PHYHIPL: variants seen among roughly 807,000 people sequenced by gnomAD.
PHYHIPL encodes phytanoyl-CoA hydroxylase-interacting protein-like.
Under a neutral mutation model 33.4 loss-of-function variants are expected in PHYHIPL, and 9 were observed. That is an observed-to-expected ratio of 0.27 (90% CI 0.16 to 0.47). The LOEUF is 0.47. PHYHIPL is among the 20% of genes least tolerant of loss of function. The probability of loss-of-function intolerance (pLI) is 0.99; values close to 1 mark genes in which losing one functional copy is unlikely to be tolerated. For missense variants in PHYHIPL, 365 were observed against 460.7 expected, an observed-to-expected ratio of 0.79 and a Z score of 1.90; for synonymous variants, 153 against 154.1, an observed-to-expected ratio of 0.99 and a Z score of 0.05.
At chr10:59,217,220 G>T (rs1239509756) in intron 1 of PHYHIPL, among the ~76,000 whole-genome samples, 1 of 151,982 alleles carries the variant, frequency 6.6e-6, no homozygotes, top group Non-Finnish European at 1.5e-5. Flanking sequence ...GAGAAAAATG[G>T]TCTGATCTTT....
At chr10:59,214,607 C>T (rs1248510425) in intron 1 of PHYHIPL, among the ~76,000 whole-genome samples, 5 of 151,938 alleles carry the variant, frequency 3.3e-5, no homozygotes, top group Non-Finnish European at 5.9e-5. Context: ...ATTCCTGCTC[C>T]GTTTGAGAAC....
chr10:59,178,004 T>C (rs1838301230), intron 1 of PHYHIPL, among the ~76,000 whole-genome samples: 2 of 152,194 alleles, frequency 1.3e-5, no homozygotes, highest in Non-Finnish European at 2.9e-5. Flanking sequence ...ACCAAAGTTA[T>C]GTACAGATAC....
In PHYHIPL at chr10:59,238,721, A is replaced by C. The variant is rs746848443; in HGVS notation, c.596+16A>C. Reference sequence around the variant, plus strand: ...ACTATGTTCGGTAAGATTCAAAAATATATAGTGATTTGTTTTACTAAATAT... The same window carrying C: ...ACTATGTTCGGTAAGATTCAAAAATCTATAGTGATTTGTTTTACTAAATAT... On this transcript the variant is annotated intron_variant, in intron 4 of 4. Coordinates refer to ENST00000373880, the MANE Select transcript of PHYHIPL (RefSeq NM_032439.4). The C allele has an allele frequency of 2.7e-6, 4 of 1,475,652 alleles. No individual in the cohort carries two copies. The highest frequency in any genetic ancestry group is 3.8e-6 in the Non-Finnish European group (4 of 1,056,480). The allele number at this position is 1,475,652 out of a possible 1,614,324, so 91.4% of individuals were successfully genotyped here. A position where few individuals can be genotyped will look rare whatever the true frequency, so the allele number is the denominator to read the frequency against.
chr10:59,212,376 G>A (rs951287273), intron 1 of PHYHIPL, among the ~76,000 whole-genome samples: 2 of 152,102 alleles, frequency 1.3e-5, no homozygotes, highest in African/African-American at 4.8e-5. Flanking sequence ...ATATTTTTAA[G>A]TTTGGCCTAA....
intron 1 of PHYHIPL, among the ~76,000 whole-genome samples, chr10:59,195,711 C>G (rs1838893412): frequency 6.6e-6 from 1 of 152,024 alleles, no homozygotes. Context: ...GTCTCGAAAC[C>G]CATTGCTTAC....
At chr10:59,220,678 G>A (rs1261747694) in intron 1 of PHYHIPL, among the ~76,000 whole-genome samples, 1 of 151,998 alleles carries the variant, frequency 6.6e-6, no homozygotes, top group Admixed American at 6.6e-5. Flanking sequence ...TTAGTTAAGT[G>A]ATTTGCCCCC....
intron 1 of PHYHIPL, among the ~76,000 whole-genome samples, chr10:59,209,229 C>T (rs1487759021): frequency 6.6e-6 from 1 of 152,226 alleles, no homozygotes; most frequent in Non-Finnish European, 1.5e-5. Context: ...CAGCTGATCT[C>T]TCAGCAGAAA....
At chr10:59,222,796 CATTA>C (rs1295864305) in intron 1 of PHYHIPL, among the ~76,000 whole-genome samples, 1 of 152,022 alleles carries the variant, frequency 6.6e-6, no homozygotes, top group Non-Finnish European at 1.5e-5. Context: ...AAAAGTTATG[CATTA>C]ATTAGACCAA....
At chr10:59,193,684 T>C (rs1157490357) in intron 1 of PHYHIPL, among the ~76,000 whole-genome samples, 2 of 152,134 alleles carry the variant, frequency 1.3e-5, no homozygotes, top group African/African-American at 2.4e-5. Flanking sequence ...TCCATTTTAA[T>C]AAATATGGTT....
chr10:59,219,166 C>A, intron 1 of PHYHIPL: 1 of 726,760 alleles, frequency 1.4e-6, no homozygotes, highest in Non-Finnish European at 1.7e-6. Flanking sequence ...TTTTTGATGC[C>A]TCATAATCAT....
At chr10:59,235,938 G>A (rs1439880450) in intron 2 of PHYHIPL, among the ~76,000 whole-genome samples, 1 of 151,830 alleles carries the variant, frequency 6.6e-6, no homozygotes, top group Non-Finnish European at 1.5e-5. Flanking sequence ...GGCAGCTTTA[G>A]TGAAATTATT....
At chr10:59,194,159 G>T (rs1181040838) in intron 1 of PHYHIPL, among the ~76,000 whole-genome samples, 1 of 141,164 alleles carries the variant, frequency 7.1e-6, no homozygotes, top group Non-Finnish European at 1.5e-5. Flanking sequence ...TTGGCTCACT[G>T]CAATCTTTGC....
intron 1 of PHYHIPL, among the ~76,000 whole-genome samples, chr10:59,206,573 A>G (rs1284895963): frequency 1.3e-5 from 2 of 152,236 alleles, no homozygotes; most frequent in Non-Finnish European, 2.9e-5. Flanking sequence ...GAAATTGCCT[A>G]GTTCTGGAAG....
intron 1 of PHYHIPL, chr10:59,183,693 G>A (rs982494562): frequency 9.1e-6 from 9 of 984,166 alleles, no homozygotes; most frequent in Admixed American, 6.2e-5. Flanking sequence ...AACCAAGAAC[G>A]TCATACTTGG....
intron 1 of PHYHIPL, among the ~76,000 whole-genome samples, chr10:59,189,263 T>C (rs1337694304): frequency 2.6e-5 from 4 of 152,048 alleles, no homozygotes; most frequent in Non-Finnish European, 5.9e-5. Flanking sequence ...TGAAAAAGAA[T>C]TTCTAGAAAA....
upstream of PHYHIPL, among the ~76,000 whole-genome samples, chr10:59,176,423 C>T (rs1307642771): frequency 6.6e-6 from 1 of 152,030 alleles, no homozygotes; most frequent in Non-Finnish European, 1.5e-5. Context: ...TCGCCCGACG[C>T]CTCACGCGCG....
In PHYHIPL at chr10:59,246,362, A is replaced by ATATT. The variant is rs1840709377; in HGVS notation, c.*772_*775dup. On this transcript the variant is annotated 3_prime_UTR_variant, in exon 5 of 5. Transcript: ENST00000373880. ...TATTCTGATTCATAAAAGTTATAAA[A>ATATT]TATTAGGTAAATACAGAGAAAACAA... The ATATT allele has an allele frequency of 3.9e-6, 1 of 257,704 alleles. No individual in the cohort carries two copies. The highest frequency in any genetic ancestry group is 7.3e-6 in the Non-Finnish European group (1 of 137,306). 16.0% of individuals were successfully genotyped at this position (257,704 alleles called of 1,614,324 possible).
In PHYHIPL at chr10:59,234,404, A is replaced by T. The variant is rs990867207; in HGVS notation, c.207A>T (p.Ser69=). The change falls in exon 2 of 5, where the codon TCA becomes TCT. Residue 69 remains serine (S), a synonymous_variant. Transcript: ENST00000373880. ...SNITCDSFKI[S]WEMDSKSKDR... ...TAACGTGTGACTCATTCAAGATTTC[A>T]TGGGAAATGGATTCAAAATCAAAGG... The T allele has an allele frequency of 5.6e-6, 9 of 1,604,114 alleles. No homozygotes were observed. The highest frequency in any genetic ancestry group is 7.6e-6 in the Non-Finnish European group (9 of 1,176,502).
rs1469894815 is a variant in PHYHIPL, at chr10:59,207,154, A to T, written c.107-27150A>T. On this transcript the variant is annotated intron_variant, in intron 1 of 4. Coordinates refer to ENST00000373880, the MANE Select transcript of PHYHIPL (RefSeq NM_032439.4). Reference sequence around the variant, plus strand: ...TGGCTGGCAAGATGGCAGCATAGGAACAGCTCCAGTCTGCAGCTCCCAGTG... The same window carrying T: ...TGGCTGGCAAGATGGCAGCATAGGATCAGCTCCAGTCTGCAGCTCCCAGTG... Among the ~76,000 whole-genome samples, 7 of 152,110 alleles carry T rather than the reference A, an allele frequency of 4.6e-5. No individual in the cohort carries two copies. The East Asian group carries it at 1.2e-3, about 25-fold the overall frequency.
Sources: gnomAD v4.1 joint callset for allele counts (sites outside exome capture counted in the v4.1 genomes callset) on GRCh38, gnomAD v4.1.1 for gene constraint, MANE v1.5 for transcripts, NCBI Gene and HGNC (gene_info 2026-07-23, HGNC 2026-07-21) for gene names.